PNPLA8: variants seen among roughly 807,000 people sequenced by gnomAD.
PNPLA8 encodes patatin like domain 8, phospholipase A2.
In PNPLA8, 39 loss-of-function variants were observed where a neutral mutation model predicts 76.9. The observed-to-expected ratio is 0.51, with a 90% CI of 0.39 to 0.66. The LOEUF (loss-of-function observed/expected upper bound fraction) is 0.66. Among genes scored for constraint, PNPLA8 ranks in the 30% least tolerant of loss-of-function variants. The pLI, the probability that PNPLA8 is intolerant of heterozygous loss-of-function variation, is 0.00. For synonymous variants in PNPLA8, 301 were observed against 307.9 expected (o/e 0.98, Z 0.24); for missense variants, 887 against 918.0 (o/e 0.97, Z 0.44).
chr7:108,505,097 T>C (rs1172637978), intron 4 of PNPLA8, among the ~76,000 whole-genome samples: 1 of 151,012 alleles, frequency 6.6e-6, no homozygotes, highest in Non-Finnish European at 1.5e-5. Flanking sequence ...AAATGAAAAA[T>C]ACTGTGTCTA....
chr7:108,513,499 A>G (rs1863083260), intron 4 of PNPLA8, among the ~76,000 whole-genome samples: 1 of 152,110 alleles, frequency 6.6e-6, no homozygotes, highest in South Asian at 2.1e-4. Context: ...ATGAAATGTA[A>G]GCAGTATCTA....
chr7:108,511,990 A>G (rs1246892623), intron 4 of PNPLA8, among the ~76,000 whole-genome samples: 1 of 152,186 alleles, frequency 6.6e-6, no homozygotes, highest in Non-Finnish European at 1.5e-5. Flanking sequence ...GGACAGGATA[A>G]ACAGATTGTG....
chr7:108,519,234 A>T (rs1354702746), intron 2 of PNPLA8, among the ~76,000 whole-genome samples: 1 of 152,150 alleles, frequency 6.6e-6, no homozygotes, highest in East Asian at 1.9e-4. Flanking sequence ...CTCTTAAAAA[A>T]AAATAAATAA....
chr7:108,480,446 C>T (rs1860314925), intron 9 of PNPLA8, among the ~76,000 whole-genome samples: 1 of 152,170 alleles, frequency 6.6e-6, no homozygotes, highest in Non-Finnish European at 1.5e-5. Flanking sequence ...TGCTCAGCCT[C>T]CTTCTCCTGT....
intron 7 of PNPLA8, 80 bp downstream of exon 7, chr7:108,496,504 A>T: frequency 1.3e-6 from 1 of 795,982 alleles, no homozygotes; most frequent in Non-Finnish European, 1.9e-6. Context: ...AATATAATTT[A>T]ATATTGACAT....
chr7:108,503,057 A>G (rs1434012502), intron 4 of PNPLA8, among the ~76,000 whole-genome samples: 2 of 152,250 alleles, frequency 1.3e-5, no homozygotes, highest in Non-Finnish European at 1.5e-5. Flanking sequence ...ATAATGAACC[A>G]TCTTGTATAC....
intron 9 of PNPLA8, among the ~76,000 whole-genome samples, chr7:108,485,370 T>C (rs1189341588): frequency 2.0e-5 from 3 of 152,230 alleles, no homozygotes; most frequent in South Asian, 2.1e-4. Flanking sequence ...CTTCTTCTTA[T>C]AGTCAAAGGC....
At chr7:108,488,925 A>G (rs773534269) in intron 8 of PNPLA8, among the ~76,000 whole-genome samples, 2 of 152,240 alleles carry the variant, frequency 1.3e-5, no homozygotes, top group Non-Finnish European at 2.9e-5. Flanking sequence ...TTGTTTTGAT[A>G]TTTAATAAAC....
chr7:108,497,368 G>A, intron 6 of PNPLA8, 115 bp downstream of exon 6: 1 of 618,830 alleles, frequency 1.6e-6, no homozygotes, highest in Non-Finnish European at 2.7e-6. Flanking sequence ...CAAAATTTTG[G>A]GGTATGGAGA....
At chr7:108,479,418 G>C (rs757431383) in intron 9 of PNPLA8, 39 bp from the exon 10 acceptor site, 2 of 1,386,526 alleles carry the variant, frequency 1.4e-6, no homozygotes, top group Non-Finnish European at 2.0e-6. Context: ...TTTTAAAACT[G>C]ACTCACGGGG....
chr7:108,504,024 T>C lies in PNPLA8; in HGVS notation c.1207-1382A>G, dbSNP rs563097429. Among the ~76,000 whole-genome samples the C allele has an allele frequency of 2.0e-4, 31 of 152,206 alleles. 1 individual carries two copies. In the South Asian group the frequency reaches 5.6e-3, roughly 27 times the overall value. On this transcript the variant is annotated intron_variant, in intron 4 of 10. Transcript: ENST00000257694. Reference sequence around the variant, plus strand: ...GTATTCTTGAGATTTTAGGACCCAATGAGATGGTGGTTAAGTGAACACACC... The same window carrying C: ...GTATTCTTGAGATTTTAGGACCCAACGAGATGGTGGTTAAGTGAACACACC...
At chr7:108,506,942 TATA>T (rs1158872858) in intron 4 of PNPLA8, among the ~76,000 whole-genome samples, 1 of 152,114 alleles carries the variant, frequency 6.6e-6, no homozygotes, top group Admixed American at 6.5e-5. Flanking sequence ...GTTCTCTATA[TATA>T]ATATTTTTAT....
rs3763460 is a variant in PNPLA8 at position 108,515,547 on chromosome 7, T to A, written c.-56A>T. ...TCTCTCACTTCTTGAACGCTTCATT[T>A]AAGAAATGCCATAATTCATGGTCTT... On this transcript the variant is annotated 5_prime_UTR_variant, in exon 3 of 11. It removes the in-frame stop codon of an upstream open reading frame in the 5' UTR. Coordinates refer to ENST00000257694, the MANE Select transcript of PNPLA8 (RefSeq NM_001256007.3). 130,865 of 1,299,662 alleles carry A rather than the reference T, an allele frequency of 0.1. 6,910 individuals are homozygous for A. Among genetic ancestry groups the A allele is most frequent in the Non-Finnish European group, 0.1 (103,551 of 1,020,278 alleles). 80.5% of individuals were successfully genotyped at this position (1,299,662 alleles called of 1,614,324 possible).
At chr7:108,477,572 C>T (rs1860088746) in intron 10 of PNPLA8, among the ~76,000 whole-genome samples, 1 of 152,106 alleles carries the variant, frequency 6.6e-6, no homozygotes, top group African/African-American at 2.4e-5. Flanking sequence ...GAAATCTAAA[C>T]CTCAAGGCAA....
intron 10 of PNPLA8, among the ~76,000 whole-genome samples, chr7:108,478,119 G>T (rs1385243348): frequency 2.0e-5 from 3 of 152,156 alleles, no homozygotes; most frequent in Non-Finnish European, 4.4e-5. Flanking sequence ...GAAATTAAGA[G>T]TGAGATGATA....
At chr7:108,480,362 T>C (rs938888768) in intron 9 of PNPLA8, among the ~76,000 whole-genome samples, 3 of 152,134 alleles carry the variant, frequency 2.0e-5, no homozygotes, top group Non-Finnish European at 2.9e-5. Context: ...AGCAAGACCT[T>C]GTCTCAAAAC....
At chr7:108,506,046 A>G (rs954089636) in intron 4 of PNPLA8, among the ~76,000 whole-genome samples, 9 of 152,218 alleles carry the variant, frequency 5.9e-5, no homozygotes, top group African/African-American at 2.2e-4. Context: ...ACCATAATTT[A>G]GTATCACTTA....
At position 108,510,973 on chromosome 7, in the gene PNPLA8, C is replaced by G. The variant is rs1478639807; in HGVS notation, c.1206+3171G>C. Reference sequence around the variant, plus strand: ...TCAACAGGCTTATTAGAAGAATGAACTAAGGTGTCTACCATGACTATTTCT... The same window carrying G: ...TCAACAGGCTTATTAGAAGAATGAAGTAAGGTGTCTACCATGACTATTTCT... On this transcript the variant is annotated intron_variant, in intron 4 of 10. Transcript: ENST00000257694. 7.4e-6 allele frequency: 11 copies of G among 1,479,300 alleles called. No individual in the cohort carries two copies. The African/African-American group carries it at 1.6e-4, about 21-fold the overall frequency. 91.6% of individuals were successfully genotyped at this position (1,479,300 alleles called of 1,614,324 possible). A position where few individuals can be genotyped will look rare whatever the true frequency, so the allele number is the denominator to read the frequency against.
chr7:108,496,829 G>T, intron 6 of PNPLA8, 74 bp from the exon 7 acceptor site: 1 of 1,221,356 alleles, frequency 8.2e-7, no homozygotes, highest in Non-Finnish European at 1.1e-6. Flanking sequence ...CTGAATCATA[G>T]TTTTGGCTTA....
Sources: gnomAD v4.1 joint callset for allele counts (sites outside exome capture counted in the v4.1 genomes callset) on GRCh38, gnomAD v4.1.1 for gene constraint, MANE v1.5 for transcripts, NCBI Gene and HGNC (gene_info 2026-07-23, HGNC 2026-07-21) for gene names.